Variants in XRCC4 observed in about 807,000 individuals in gnomAD.
XRCC4 encodes DNA repair protein XRCC4.
Under a neutral mutation model 39.1 loss-of-function variants are expected in XRCC4, and 28 were observed. That is an observed-to-expected ratio of 0.72 (90% CI 0.53 to 0.98). XRCC4 has a LOEUF of 0.98. Among genes scored for constraint, XRCC4 ranks in the 50% least tolerant of loss-of-function variants. The pLI, the probability that XRCC4 is intolerant of heterozygous loss-of-function variation, is 0.00. For missense variants in XRCC4, 350 were observed against 376.4 expected, an observed-to-expected ratio of 0.93 and a Z score of 0.58; for synonymous variants, 123 against 126.4, an observed-to-expected ratio of 0.97 and a Z score of 0.18.
chr5:83,134,655 C>A (rs7733151), intron 3 of XRCC4, among the ~76,000 whole-genome samples: 73,634 of 151,990 alleles, frequency 0.48, 18,797 homozygotes, highest in African/African-American at 0.63. Flanking sequence ...AGGGAATAAA[C>A]GCAGGCAACC....
intron 3 of XRCC4, among the ~76,000 whole-genome samples, chr5:83,135,517 GT>G (rs1031302437): frequency 2.6e-5 from 4 of 151,236 alleles, no homozygotes; most frequent in African/African-American, 9.7e-5. Context: ...TTCATTTATA[GT>G]TTTTCTATTT....
intron 7 of XRCC4, among the ~76,000 whole-genome samples, chr5:83,348,452 G>A (rs1412289246): frequency 6.6e-6 from 1 of 152,252 alleles, no homozygotes; most frequent in Non-Finnish European, 1.5e-5. Context: ...CTTGAGGCTT[G>A]CACCCTCTGA....
At chr5:83,114,163 GA>G (rs150915525) in intron 3 of XRCC4, among the ~76,000 whole-genome samples, 73,843 of 151,916 alleles carry the variant, frequency 0.49, 18,739 homozygotes, top group African/African-American at 0.62. Context: ...CCTGGCCCAG[GA>G]AACTGTTTTT....
At position 83,203,708 on chromosome 5, in the gene XRCC4, G is replaced by A. The variant is rs1334868766; in HGVS notation, c.638+1G>A. The stretch of plus-strand genomic sequence containing the variant: ...GAGAAAAGGACATCAAACAAGAAGG[G>A]TATTTTCGCTATCTTGTTTTTGGAT... On this transcript the variant is annotated splice_donor_variant, in intron 5 of 7. Transcript: ENST00000396027. LOFTEE classifies it high-confidence loss of function. The A allele has an allele frequency of 1.9e-6, 3 of 1,607,014 alleles. No homozygotes were observed. Among genetic ancestry groups the A allele is most frequent in the Non-Finnish European group, 2.5e-6 (3 of 1,177,486 alleles).
At chr5:83,135,843 G>T (rs1747872538) in intron 3 of XRCC4, among the ~76,000 whole-genome samples, 1 of 152,008 alleles carries the variant, frequency 6.6e-6, no homozygotes, top group African/African-American at 2.4e-5. Flanking sequence ...CCTTGTGTAT[G>T]AATATTTCTT....
rs147160052 is a variant in XRCC4, at chr5:83,255,210, A to G, written c.746-3320A>G. 7.8e-3 allele frequency among the ~76,000 whole-genome samples: 1,192 copies of G among 152,310 alleles called. 7 individuals are homozygous for G. Among genetic ancestry groups the G allele is most frequent in the Middle Eastern group, 0.014 (4 of 294 alleles). Reference sequence around the variant, plus strand: ...GGTTTCAGGGTGGAGAGAGAAGGATAGAATGGATTGTTTTTGCCTTTTATT... The same window carrying G: ...GGTTTCAGGGTGGAGAGAGAAGGATGGAATGGATTGTTTTTGCCTTTTATT... On this transcript the variant is annotated intron_variant, in intron 6 of 7. Coordinates refer to ENST00000396027, the MANE Select transcript of XRCC4 (RefSeq NM_003401.5).
chr5:83,191,706 C>T (rs1418327635), intron 3 of XRCC4, among the ~76,000 whole-genome samples: 1 of 151,854 alleles, frequency 6.6e-6, no homozygotes, highest in Non-Finnish European at 1.5e-5. Flanking sequence ...TAAAAAAACC[C>T]AAAAAACAAA....
chr5:83,286,148 T>C, intron 7 of XRCC4, among the ~76,000 whole-genome samples: 1 of 152,128 alleles, frequency 6.6e-6, no homozygotes, highest in East Asian at 1.9e-4. Flanking sequence ...TTGAGACCAA[T>C]GGACTGAATT....
intron 3 of XRCC4, among the ~76,000 whole-genome samples, chr5:83,144,288 T>TGTGTGC (rs1554058224): frequency 8.6e-5 from 13 of 151,338 alleles, no homozygotes; most frequent in Middle Eastern, 6.8e-3. Flanking sequence ...TGTGTGTGTG[T>TGTGTGC]GTGTGTGTGT....
At chr5:83,078,234 G>A (rs1033114076) in intron 1 of XRCC4, among the ~76,000 whole-genome samples, 1 of 151,722 alleles carries the variant, frequency 6.6e-6, no homozygotes, top group Non-Finnish European at 1.5e-5. Flanking sequence ...CATTAGGTGA[G>A]GTTCTACTAC....
At chr5:83,101,452 A>G (rs2386235) in intron 1 of XRCC4, among the ~76,000 whole-genome samples, 52,338 of 151,928 alleles carry the variant, frequency 0.34, 9,699 homozygotes, top group Non-Finnish European at 0.42. Context: ...TTGCTTTTGG[A>G]TTAAAAGAAA....
intron 7 of XRCC4, among the ~76,000 whole-genome samples, chr5:83,305,820 A>C (rs1755463605): frequency 6.6e-6 from 1 of 152,184 alleles, no homozygotes; most frequent in South Asian, 2.1e-4. Flanking sequence ...TCAACAATTA[A>C]ACATTCAAAC....
At chr5:83,101,570 G>C (rs1457379258) in intron 1 of XRCC4, among the ~76,000 whole-genome samples, 1 of 152,000 alleles carries the variant, frequency 6.6e-6, no homozygotes, top group African/African-American at 2.4e-5. Context: ...CTGGTAGAGT[G>C]GATAGATTTT....
At position 83,229,659 on chromosome 5, in the gene XRCC4, C is replaced by CTTTTTT. The variant is rs61356475; in HGVS notation, c.745+24755_745+24760dup. ...TATTCCAGGAGACAAAATGTTTAAA[C>CTTTTTT]TTTTTTTTTTTTTTTTTTTTTTGCT... is the stretch of plus-strand genomic sequence containing the variant. On this transcript the variant is annotated intron_variant, in intron 6 of 7. Coordinates refer to ENST00000396027, the MANE Select transcript of XRCC4 (RefSeq NM_003401.5). Among the ~76,000 whole-genome samples the CTTTTTT allele has an allele frequency of 1.4e-3, 150 of 103,694 alleles. 4 individuals are homozygous for CTTTTTT. The highest frequency in any genetic ancestry group is 5.6e-3 in the African/African-American group (145 of 25,986). 68.0% of individuals were successfully genotyped at this position (103,694 alleles called of 152,430 possible).
chr5:83,208,716 A>G (rs919624661), intron 6 of XRCC4, among the ~76,000 whole-genome samples: 5 of 152,042 alleles, frequency 3.3e-5, no homozygotes, highest in African/African-American at 1.2e-4. Flanking sequence ...CTAAAAGGAA[A>G]TCCCCAAAGT....
chr5:83,369,880 T>C, the XRCC4 span, among the ~76,000 whole-genome samples: 2 of 152,210 alleles, frequency 1.3e-5, no homozygotes, highest in Non-Finnish European at 2.9e-5. Context: ...AGTGTGTAAA[T>C]GTCCCCTTTT....
At chr5:83,251,956 T>G (rs562083854) in intron 6 of XRCC4, among the ~76,000 whole-genome samples, 1 of 152,304 alleles carries the variant, frequency 6.6e-6, no homozygotes, top group East Asian at 1.9e-4. Flanking sequence ...AGCAACTGAT[T>G]TACAGAATTG....
chr5:83,113,861 C>G (rs554265045), intron 3 of XRCC4, among the ~76,000 whole-genome samples: 1 of 152,158 alleles, frequency 6.6e-6, no homozygotes, highest in Non-Finnish European at 1.5e-5. Flanking sequence ...CTCCTGACCT[C>G]GTGATCCGCC....
chr5:83,335,793 CT>C, intron 7 of XRCC4, among the ~76,000 whole-genome samples: 1 of 152,030 alleles, frequency 6.6e-6, no homozygotes, highest in South Asian at 2.1e-4. Flanking sequence ...ACTAAGTAGT[CT>C]TTATAGAATG....
Sources: gnomAD v4.1 joint callset for allele counts (sites outside exome capture counted in the v4.1 genomes callset) on GRCh38, gnomAD v4.1.1 for gene constraint, MANE v1.5 for transcripts, NCBI Gene and HGNC (gene_info 2026-07-23, HGNC 2026-07-21) for gene names.